The following MVB12B variants were observed in gnomAD, a reference collection of about 807,000 sequenced individuals.
MVB12B encodes multivesicular body subunit 12B.
Under a neutral mutation model 41.6 loss-of-function variants are expected in MVB12B, and 16 were observed. The ratio of observed to expected loss-of-function variants is 0.38; its 90% CI spans 0.26 to 0.58. The LOEUF is 0.58. Among genes scored for constraint, MVB12B ranks in the 20% least tolerant of loss-of-function variants. MVB12B has a pLI of 0.62. For missense variants in MVB12B, 274 were observed against 380.2 expected (o/e 0.72, Z 2.32); for synonymous variants, 133 against 139.7 (o/e 0.95, Z 0.34).
intron 2 of MVB12B, among the ~76,000 whole-genome samples, chr9:126,351,169 T>C (rs566798802): frequency 1.3e-5 from 2 of 152,368 alleles, no homozygotes; most frequent in African/African-American, 4.8e-5. Context: ...ATTGTACTTT[T>C]AATTTTGATG....
chr9:126,484,135 G>A lies in MVB12B; in HGVS notation c.873+103G>A, dbSNP rs555224238. 6.5e-5 allele frequency: 70 copies of A among 1,071,930 alleles called. No homozygotes were observed. The African/African-American group carries it at 7.9e-4, about 12-fold the overall frequency. 66.4% of individuals were successfully genotyped at this position (1,071,930 alleles called of 1,614,324 possible). The stretch of plus-strand genomic sequence containing the variant: ...GGGATCCACTCCAAGAGAGGGACAG[G>A]TGGAGGTGTTCCGTTCTCTTCTGAG... On this transcript the variant is annotated intron_variant, in intron 9 of 9. Transcript: ENST00000361171.
At chr9:126,407,795 T>C (rs974046856) in intron 6 of MVB12B, among the ~76,000 whole-genome samples, 1 of 152,240 alleles carries the variant, frequency 6.6e-6, no homozygotes, top group African/African-American at 2.4e-5. Flanking sequence ...TCTCCTTAAC[T>C]ATTTCATTTT....
intron 2 of MVB12B, among the ~76,000 whole-genome samples, chr9:126,368,220 G>T (rs1323890372): frequency 1.3e-5 from 2 of 152,210 alleles, no homozygotes; most frequent in Non-Finnish European, 2.9e-5. Context: ...GGCTCAGAGA[G>T]GTTAAGTAAC....
In MVB12B at chr9:126,367,162, T is replaced by A. The variant is rs1830205039; in HGVS notation, c.205-13902T>A. 6.6e-6 allele frequency among the ~76,000 whole-genome samples: 1 copy of A among 152,230 alleles called. No individual in the cohort carries two copies. Among genetic ancestry groups the A allele is most frequent in the Non-Finnish European group, 1.5e-5 (1 of 68,008 alleles). The stretch of plus-strand genomic sequence containing the variant: ...GACGCGGGTAGTTTCTTCTAAGCAG[T>A]CTCTGGTGCCTCCCATCTCGACTCC... On this transcript the variant is annotated intron_variant, in intron 2 of 9. Coordinates refer to ENST00000361171, the MANE Select transcript of MVB12B (RefSeq NM_033446.3). The surrounding 1 kb of genome is among the most constrained non-coding windows in gnomAD (Gnocchi z 4.3).
intron 7 of MVB12B, among the ~76,000 whole-genome samples, chr9:126,435,635 C>T (rs1202610217): frequency 6.6e-6 from 1 of 150,886 alleles, no homozygotes; most frequent in African/African-American, 2.4e-5. Flanking sequence ...AACCACTCCC[C>T]TCCCAGAACC....
chr9:126,410,141 TTG>T (rs3222493), intron 6 of MVB12B, among the ~76,000 whole-genome samples: 66,033 of 148,366 alleles, frequency 0.45, 14,827 homozygotes, highest in South Asian at 0.57. Flanking sequence ...TGATTTGGTT[TTG>T]TGTGTGTGTG....
At chr9:126,332,535 G>A (rs1829157620) in intron 1 of MVB12B, among the ~76,000 whole-genome samples, 1 of 152,148 alleles carries the variant, frequency 6.6e-6, no homozygotes. Context: ...GGAACTCCCT[G>A]GAAGTGCTGC....
At chr9:126,447,412 A>G (rs1261818676) in intron 7 of MVB12B, among the ~76,000 whole-genome samples, 1 of 151,936 alleles carries the variant, frequency 6.6e-6, no homozygotes, top group African/African-American at 2.4e-5. Flanking sequence ...TAGCTTTCAT[A>G]TATAATATTT....
intron 7 of MVB12B, among the ~76,000 whole-genome samples, chr9:126,463,133 T>C (rs1232974085): frequency 1.3e-5 from 2 of 152,224 alleles, no homozygotes; most frequent in Non-Finnish European, 2.9e-5. Flanking sequence ...TGGTGTGTGC[T>C]GCTTTCAAGA....
intron 6 of MVB12B, among the ~76,000 whole-genome samples, chr9:126,400,335 CTT>C (rs1359901123): frequency 6.6e-6 from 1 of 152,112 alleles, no homozygotes; most frequent in Non-Finnish European, 1.5e-5. Context: ...AGGCTTAACA[CTT>C]TAAAAAAATC....
intron 2 of MVB12B, among the ~76,000 whole-genome samples, chr9:126,377,014 A>G (rs1302214741): frequency 7.9e-6 from 1 of 126,948 alleles, no homozygotes; most frequent in African/African-American, 3.1e-5. Flanking sequence ...CCTCCCCCAC[A>G]CTTGCTAAAT....
At chr9:126,457,832 A>G (rs1157162061) in intron 7 of MVB12B, among the ~76,000 whole-genome samples, 2 of 152,188 alleles carry the variant, frequency 1.3e-5, no homozygotes, top group African/African-American at 4.8e-5. Flanking sequence ...CTTAGGCACA[A>G]ATGAAATCAC....
At chr9:126,414,663 CCTT>C (rs1831756282) in intron 6 of MVB12B, among the ~76,000 whole-genome samples, 2 of 152,080 alleles carry the variant, frequency 1.3e-5, no homozygotes, top group Admixed American at 6.5e-5. Context: ...CTTTGAGTCT[CCTT>C]CTCCTCAGTC....
Position 126,376,522 on chromosome 9 carries a change from G to T in MVB12B, c.205-4542G>T. The T allele has an allele frequency of 7.8e-7, 1 of 1,289,282 alleles. No homozygotes were observed. The highest frequency in any genetic ancestry group is 1.5e-5 in the African/African-American group (1 of 65,972). The allele number at this position is 1,289,282 out of a possible 1,614,324, so 79.9% of individuals were successfully genotyped here. A position where few individuals can be genotyped will look rare whatever the true frequency, so the allele number is the denominator to read the frequency against. ...CTGGTGTGCTACACAGTGGGGCGAC[G>T]AGCAGGGAGCTGGCTCAGATCGTGG... On this transcript the variant is annotated intron_variant, in intron 2 of 9. Coordinates refer to ENST00000361171, the MANE Select transcript of MVB12B (RefSeq NM_033446.3). This position sits in a 1 kb window ranked among gnomAD's most constrained non-coding sequence, Gnocchi z 4.1.
chr9:126,344,044 T>G (rs1322721255), intron 2 of MVB12B, among the ~76,000 whole-genome samples: 2 of 143,070 alleles, frequency 1.4e-5, no homozygotes. Flanking sequence ...ATACTTTTCT[T>G]GGTAAAAAAA....
chr9:126,391,867 G>A lies in MVB12B; in HGVS notation c.410-199G>A, dbSNP rs568755195. Reference sequence around the variant, plus strand: ...TCCCCTTCTCAGCAGGGGGTGTCTGGGTTGGGTCCCACATGCAGAGCAGGG... The same window carrying A: ...TCCCCTTCTCAGCAGGGGGTGTCTGAGTTGGGTCCCACATGCAGAGCAGGG... On this transcript the variant is annotated intron_variant, in intron 4 of 9. Transcript: ENST00000361171. The surrounding 1 kb of genome is among the most constrained non-coding windows in gnomAD (Gnocchi z 4.4). Among the ~76,000 whole-genome samples, 29 of 152,254 alleles carry A rather than the reference G, an allele frequency of 1.9e-4. 2 individuals are homozygous for A. In the East Asian group the frequency reaches 5.6e-3, roughly 29 times the overall value.
chr9:126,399,429 C>T (rs954390261), intron 6 of MVB12B, among the ~76,000 whole-genome samples: 1 of 152,144 alleles, frequency 6.6e-6, no homozygotes, highest in Non-Finnish European at 1.5e-5. Flanking sequence ...GGGGCTGGGC[C>T]CAGCTTTGTG....
intron 7 of MVB12B, among the ~76,000 whole-genome samples, chr9:126,450,220 G>A (rs1012519664): frequency 1.3e-5 from 2 of 152,198 alleles, no homozygotes; most frequent in African/African-American, 4.8e-5. Flanking sequence ...CCCTCCCTGG[G>A]AAGGAAGGTC....
intron 7 of MVB12B, among the ~76,000 whole-genome samples, chr9:126,453,713 T>A (rs1026840599): frequency 1.3e-5 from 2 of 152,234 alleles, no homozygotes; most frequent in Non-Finnish European, 2.9e-5. Flanking sequence ...CACTCACGTG[T>A]GGCACACTCT....
Sources: gnomAD v4.1 joint callset for allele counts (sites outside exome capture counted in the v4.1 genomes callset) on GRCh38, gnomAD v4.1.1 for gene constraint, Gnocchi (gnomAD v3.1) non-coding constraint, MANE v1.5 for transcripts, NCBI Gene and HGNC (gene_info 2026-07-23, HGNC 2026-07-21) for gene names.